The following MBOAT2 variants were observed in gnomAD, a reference collection of about 807,000 sequenced individuals.
MBOAT2 encodes the protein membrane-bound glycerophospholipid O-acyltransferase 2.
MBOAT2 carries 28 observed loss-of-function variants against 63.4 expected under a neutral mutation model. The observed-to-expected ratio is 0.44, with a 90% confidence interval of 0.33 to 0.61. MBOAT2 has a LOEUF of 0.61. Ranked by LOEUF, MBOAT2 falls within the 20% of genes least tolerant of loss-of-function variation. The pLI is 0.03. For missense variants in MBOAT2, 470 were observed against 605.8 expected (o/e 0.78, Z 2.35); for synonymous variants, 211 against 215.6 (o/e 0.98, Z 0.19).
intron 1 of MBOAT2, among the ~76,000 whole-genome samples, chr2:9,002,627 G>A (rs530852209): frequency 8.4e-5 from 6 of 71,830 alleles, no homozygotes; most frequent in Non-Finnish European, 1.7e-4. Context: ...CCCAGCCCCC[G>A]CCTCATTAAC....
At chr2:8,976,238 C>T (rs1476549730) in intron 1 of MBOAT2, among the ~76,000 whole-genome samples, 1 of 151,982 alleles carries the variant, frequency 6.6e-6, no homozygotes, top group African/African-American at 2.4e-5. Flanking sequence ...ATCAAGGCAC[C>T]ACAGAGATTA....
intron 1 of MBOAT2, among the ~76,000 whole-genome samples, chr2:8,967,349 T>C (rs941293174): frequency 1.3e-5 from 2 of 152,210 alleles, no homozygotes; most frequent in African/African-American, 2.4e-5. Flanking sequence ...CACTATGTAC[T>C]GTAATAAATA....
intron 3 of MBOAT2, among the ~76,000 whole-genome samples, chr2:8,928,299 G>A (rs1264249877): frequency 6.6e-6 from 1 of 152,166 alleles, no homozygotes; most frequent in Non-Finnish European, 1.5e-5. Context: ...AGGAGCTGCA[G>A]ATTTCAGATA....
Position 8,863,890 on chromosome 2 carries a change from G to C in MBOAT2, c.1052+280C>G, listed in dbSNP as rs560302198. Among the ~76,000 whole-genome samples, 5 of 152,330 alleles carry C rather than the reference G, an allele frequency of 3.3e-5. No homozygotes were observed. In the South Asian group the frequency reaches 1.0e-3, roughly 32 times the overall value. On this transcript the variant is annotated intron_variant, in intron 10 of 12. Coordinates refer to ENST00000305997, the MANE Select transcript of MBOAT2 (RefSeq NM_138799.4). The stretch of plus-strand genomic sequence containing the variant: ...GAACACAATCAGGAGCTGCAAAGGA[G>C]GATACTGGTGACCTCTGACATTGGC...
At chr2:8,901,478 G>T (rs2148575844) in intron 4 of MBOAT2, among the ~76,000 whole-genome samples, 1 of 152,250 alleles carries the variant, frequency 6.6e-6, no homozygotes, top group East Asian at 1.9e-4. Context: ...GCATTCTCCT[G>T]TTAGTATTAG....
At chr2:8,937,459 C>T (rs1573102224) in intron 3 of MBOAT2, among the ~76,000 whole-genome samples, 10 of 152,334 alleles carry the variant, frequency 6.6e-5, no homozygotes, top group South Asian at 4.1e-4. Context: ...AAACACACTC[C>T]TCAAGTTAAC....
At chr2:8,970,283 C>T (rs542657408) in intron 1 of MBOAT2, among the ~76,000 whole-genome samples, 194 of 152,216 alleles carry the variant, frequency 1.3e-3, no homozygotes, top group Non-Finnish European at 2.2e-3. Flanking sequence ...GGGTACATAA[C>T]GAAATGAAGG....
intron 9 of MBOAT2, among the ~76,000 whole-genome samples, chr2:8,865,543 C>CT (rs1313897040): frequency 6.6e-6 from 1 of 152,206 alleles, no homozygotes; most frequent in Non-Finnish European, 1.5e-5. Context: ...ACACTCTCCC[C>CT]TCCAAATAAT....
At chr2:8,903,029 G>A (rs1176000684) in intron 4 of MBOAT2, among the ~76,000 whole-genome samples, 1 of 152,018 alleles carries the variant, frequency 6.6e-6, no homozygotes. Context: ...AATCCTTTAG[G>A]TAGACACAGA....
intron 3 of MBOAT2, among the ~76,000 whole-genome samples, chr2:8,917,571 A>C (rs900253943): frequency 6.6e-6 from 1 of 152,186 alleles, no homozygotes; most frequent in Non-Finnish European, 1.5e-5. Flanking sequence ...CACCATGGAA[A>C]AGGCTGAGAA....
chr2:8,898,851 GAGC>G (rs1664694255), intron 4 of MBOAT2, among the ~76,000 whole-genome samples: 1 of 152,238 alleles, frequency 6.6e-6, no homozygotes, highest in Non-Finnish European at 1.5e-5. Context: ...GTATTTGAGA[GAGC>G]AGGTTATAGG....
intron 4 of MBOAT2, among the ~76,000 whole-genome samples, chr2:8,906,453 T>C (rs888238328): frequency 3.9e-5 from 6 of 152,162 alleles, no homozygotes; most frequent in African/African-American, 1.4e-4. Context: ...ACCTAGAGGA[T>C]TCCAGAGCCT....
chr2:8,913,582 C>T (rs1665941348), intron 3 of MBOAT2, among the ~76,000 whole-genome samples: 2 of 152,012 alleles, frequency 1.3e-5, no homozygotes, highest in African/African-American at 2.4e-5. Context: ...AAAAAATGCC[C>T]AACATCACTA....
intron 12 of MBOAT2, 117 bp downstream of exon 12, chr2:8,860,496 C>A (rs1045230353): frequency 9.1e-6 from 9 of 991,368 alleles, no homozygotes; most frequent in Non-Finnish European, 1.2e-5. Flanking sequence ...ACTGATAATG[C>A]ATTTATCAGC....
chr2:8,920,411 T>C (rs145752696), intron 3 of MBOAT2, among the ~76,000 whole-genome samples: 4 of 152,352 alleles, frequency 2.6e-5, no homozygotes, highest in African/African-American at 9.6e-5. Flanking sequence ...CTTATGCCAA[T>C]AGCACAGTGT....
intron 3 of MBOAT2, among the ~76,000 whole-genome samples, chr2:8,937,599 TA>T (rs1255690642): frequency 6.6e-6 from 1 of 152,056 alleles, no homozygotes; most frequent in Admixed American, 6.5e-5. Flanking sequence ...AGGGATGTAA[TA>T]CGGTGAAATC....
At chr2:8,987,390 T>G (rs1671645451) in intron 1 of MBOAT2, among the ~76,000 whole-genome samples, 1 of 152,190 alleles carries the variant, frequency 6.6e-6, no homozygotes, top group Non-Finnish European at 1.5e-5. Context: ...GTGTACACAT[T>G]TGTCAAAATT....
At chr2:8,958,368 T>C (rs1669375597) in intron 2 of MBOAT2, 129 bp downstream of exon 2, 1 of 841,232 alleles carries the variant, frequency 1.2e-6, no homozygotes, top group Non-Finnish European at 1.7e-6. Flanking sequence ...AATATGAAAG[T>C]TGGCCTGGAG....
At chr2:8,989,716 A>T (rs1056601475) in intron 1 of MBOAT2, among the ~76,000 whole-genome samples, 1 of 152,236 alleles carries the variant, frequency 6.6e-6, no homozygotes, top group South Asian at 2.1e-4. Flanking sequence ...GTTACTCCAG[A>T]AAGTTTGCAA....
Sources: allele counts gnomAD v4.1 joint callset (sites outside exome capture counted in the v4.1 genomes callset), GRCh38; gene constraint gnomAD v4.1.1; transcripts MANE v1.5; gene names NCBI Gene and HGNC (gene_info 2026-07-23, HGNC 2026-07-21).